The following MFAP5 variants were observed in gnomAD, a reference collection of about 807,000 sequenced individuals.
MFAP5 encodes the protein microfibrillar-associated protein 5.
MFAP5 carries 19 observed loss-of-function variants against 30.1 expected under a neutral mutation model. The observed-to-expected ratio is 0.63, with a 90% CI of 0.44 to 0.93. The LOEUF (loss-of-function observed/expected upper bound fraction) is 0.93. Ranked by LOEUF, MFAP5 falls within the 40% of genes least tolerant of loss-of-function variation. The probability of loss-of-function intolerance (pLI) is 0.00; values close to 1 mark genes in which losing one functional copy is unlikely to be tolerated. For missense variants in MFAP5, 210 were observed against 221.3 expected (o/e 0.95, Z 0.32); for synonymous variants, 92 against 72.9 (o/e 1.26, Z -1.33).
chr12:8,649,388 G>C (rs750547897), intron 9 of MFAP5, 113 bp downstream of exon 9: 20 of 867,026 alleles, frequency 2.3e-5, no homozygotes, highest in South Asian at 7.2e-5. Context: ...GGACTCTAAG[G>C]GGGTAGCCTG....
At chr12:8,661,221 A>G (rs1942141546) in intron 2 of MFAP5, among the ~76,000 whole-genome samples, 1 of 152,184 alleles carries the variant, frequency 6.6e-6, no homozygotes, top group Admixed American at 6.5e-5. Context: ...CTCCACTGAG[A>G]GGCCTGGCAG....
rs1384425956 is a variant in MFAP5 at position 8,662,703 on chromosome 12, T to G, written c.-79A>C. ...CTCTCTCCTCTTACGCTGTTCCTACTTTGGCTGGCGAATAAGATGAACAGA... is the reference window on the plus strand; with the variant it reads ...CTCTCTCCTCTTACGCTGTTCCTACGTTGGCTGGCGAATAAGATGAACAGA... On this transcript the variant is annotated 5_prime_UTR_variant, in exon 1 of 10. Coordinates refer to ENST00000359478, the MANE Select transcript of MFAP5 (RefSeq NM_003480.4). The G allele has an allele frequency of 6.6e-6, 1 of 152,558 alleles. No individual in the cohort carries two copies. Among genetic ancestry groups the G allele is most frequent in the African/African-American group, 2.4e-5 (1 of 41,410 alleles). The allele number at this position is 152,558 out of a possible 1,614,324, so 9.5% of individuals were successfully genotyped here.
At chr12:8,656,414 TGA>T (rs199903194) in intron 3 of MFAP5, among the ~76,000 whole-genome samples, 3 of 142,226 alleles carry the variant, frequency 2.1e-5, no homozygotes, top group Non-Finnish European at 4.6e-5. Context: ...AAGGTAGTAT[TGA>T]TTTTTTTTTT....
rs1187433526 is a variant in MFAP5, at chr12:8,660,835, C to A, written c.94+28G>T. 5 of 1,599,746 alleles carry A rather than the reference C, an allele frequency of 3.1e-6. No individual in the cohort carries two copies. In the East Asian group the frequency reaches 9.0e-5, roughly 29 times the overall value. On this transcript the variant is annotated intron_variant, in intron 3 of 9. Coordinates refer to ENST00000359478, the MANE Select transcript of MFAP5 (RefSeq NM_003480.4). ...TAAATTTTCCTGATAAGAACCCCAA[C>A]AGAGCCGCTATCCAAGGGTTCACCT...
chr12:8,655,576 A>G, intron 4 of MFAP5, 129 bp from the exon 5 acceptor site: 1 of 1,037,024 alleles, frequency 9.6e-7, no homozygotes, highest in Non-Finnish European at 1.4e-6. Context: ...ACTCGGGCAG[A>G]TGAGGGACTA....
At position 8,650,536 on chromosome 12, in the gene MFAP5, C is replaced by G. The variant is rs1457814546; in HGVS notation, c.301G>C (p.Val101Leu). The G allele has an allele frequency of 1.2e-6, 2 of 1,614,120 alleles. No individual in the cohort carries two copies. The highest frequency in any genetic ancestry group is 1.1e-5 in the South Asian group (1 of 91,088). The change falls in exon 8 of 10, where the codon GTT (valine) becomes CTT (leucine). Residue 101 changes from valine to leucine, a missense_variant. Transcript: ENST00000359478. ...CTRLYSVHRP[V>L]KQCIHQLCFT... ...CATAACTGATGAATGCATTGTTTAACCGGCCGATGCACAGAGTAGAGCCTT... is the reference window on the plus strand; with the variant it reads ...CATAACTGATGAATGCATTGTTTAAGCGGCCGATGCACAGAGTAGAGCCTT...
chr12:8,654,257 TC>T, intron 6 of MFAP5, 179 bp downstream of exon 6: 1 of 568,982 alleles, frequency 1.8e-6, no homozygotes, highest in Non-Finnish European at 3.1e-6. Context: ...TTAGCACAGT[TC>T]CTGTTTGTCA....
intron 3 of MFAP5, among the ~76,000 whole-genome samples, chr12:8,656,662 A>ATT (rs1393723334): frequency 7.4e-6 from 1 of 134,770 alleles, no homozygotes; most frequent in African/African-American, 3.0e-5. Context: ...ATATATATAT[A>ATT]TATATATTTT....
intron 1 of MFAP5, 187 bp downstream of exon 1, chr12:8,662,440 G>T (rs775939815): frequency 7.8e-6 from 2 of 255,078 alleles, no homozygotes; most frequent in Non-Finnish European, 1.5e-5. Context: ...TCTCATATGC[G>T]TGACTTTTTC....
In MFAP5 at chr12:8,647,220, T is replaced by C; in HGVS notation, c.*871A>G. The C allele has an allele frequency of 6.6e-6, 1 of 152,234 alleles. No homozygotes were observed. Among genetic ancestry groups the C allele is most frequent in the Middle Eastern group, 3.2e-3 (1 of 316 alleles). 9.4% of individuals were successfully genotyped at this position (152,234 alleles called of 1,614,324 possible). The stretch of plus-strand genomic sequence containing the variant: ...CCGTGCACTTGTTAAGTTGTGAAGA[T>C]GAACGAAGTAGCAACTCAAGGAAAC... On this transcript the variant is annotated 3_prime_UTR_variant, in exon 10 of 10. Transcript: ENST00000359478.
At chr12:8,655,690 C>A in intron 4 of MFAP5, 96 bp downstream of exon 4, 1 of 1,431,898 alleles carries the variant, frequency 7.0e-7, no homozygotes, top group Non-Finnish European at 9.6e-7. Context: ...CACCCTCCAA[C>A]CCTTCTGAAG....
intron 8 of MFAP5, among the ~76,000 whole-genome samples, chr12:8,649,840 G>C (rs1475139824): frequency 1.3e-5 from 2 of 152,112 alleles, no homozygotes; most frequent in Non-Finnish European, 2.9e-5. Flanking sequence ...ACATGGATAA[G>C]TTCTTTAGTG....
At chr12:8,649,876 C>T (rs972975950) in intron 8 of MFAP5, among the ~76,000 whole-genome samples, 4 of 152,066 alleles carry the variant, frequency 2.6e-5, no homozygotes, top group South Asian at 2.1e-4. Context: ...TGGGTGCACC[C>T]GTCACCCAAG....
rs971135048 is a variant in MFAP5 at position 8,647,205 on chromosome 12, G to C, written c.*886C>G. ...TGCACAATAATTCGACCGTGCACTTGTTAAGTTGTGAAGATGAACGAAGTA... is the reference window on the plus strand; with the variant it reads ...TGCACAATAATTCGACCGTGCACTTCTTAAGTTGTGAAGATGAACGAAGTA... On this transcript the variant is annotated 3_prime_UTR_variant, in exon 10 of 10. Coordinates refer to ENST00000359478, the MANE Select transcript of MFAP5 (RefSeq NM_003480.4). The C allele has an allele frequency of 6.6e-6, 1 of 152,280 alleles. No homozygotes were observed. Among genetic ancestry groups the C allele is most frequent in the East Asian group, 1.9e-4 (1 of 5,190 alleles). 9.4% of individuals were successfully genotyped at this position (152,280 alleles called of 1,614,324 possible).
chr12:8,652,442 C>A (rs1236972225), intron 6 of MFAP5, among the ~76,000 whole-genome samples: 1 of 107,412 alleles, frequency 9.3e-6, no homozygotes, highest in Non-Finnish European at 1.9e-5. Flanking sequence ...GAGACTCCAT[C>A]TCAAAATAAA....
chr12:8,648,601 G>A (rs748303783), intron 9 of MFAP5: 33 of 1,151,326 alleles, frequency 2.9e-5, no homozygotes, highest in South Asian at 1.2e-4. Context: ...ATACATTTAC[G>A]TGCTTACTAT....
intron 6 of MFAP5, 52 bp downstream of exon 6, chr12:8,654,385 G>C: frequency 6.6e-7 from 1 of 1,525,052 alleles, no homozygotes; most frequent in Non-Finnish European, 9.0e-7. Context: ...ATGGGCTCTG[G>C]GGAAAGCCTA....
In MFAP5 at chr12:8,660,890, G is replaced by C; in HGVS notation, c.67C>G (p.Pro23Ala). 6.2e-7 allele frequency: 1 copy of C among 1,612,488 alleles called. No individual in the cohort carries two copies. The highest frequency in any genetic ancestry group is 8.5e-7 in the Non-Finnish European group (1 of 1,178,750). Residue 23 changes from proline (P) to alanine (A), a missense_variant, in exon 3 of 10, where the codon CCC becomes GCC. By Grantham distance (27) the Pro-to-Ala change is conservative. Transcript: ENST00000359478. Reference sequence around the variant, plus strand: ...CCTCGTTGACTATTGACCCCCAGGGGTATCCAGTCTATAGCAAAGGAAGAG... The same window carrying C: ...CCTCGTTGACTATTGACCCCCAGGGCTATCCAGTCTATAGCAAAGGAAGAG... ...AAFIITSDWI[P>A]LGVNSQRGDD... is the part of the protein sequence containing the mutation.
rs758845705 is a variant in MFAP5 at position 8,647,309 on chromosome 12, C to T, written c.*782G>A. The T allele has an allele frequency of 6.6e-5, 10 of 152,264 alleles. No homozygotes were observed. The highest frequency in any genetic ancestry group is 2.1e-4 in the South Asian group (1 of 4,830). 9.4% of individuals were successfully genotyped at this position (152,264 alleles called of 1,614,324 possible). ...TTGCTTTGTGGTGGTGGGTTCATCC[C>T]GGTACTACCCATAAACGAATCAGTA... is the stretch of plus-strand genomic sequence containing the variant. On this transcript the variant is annotated 3_prime_UTR_variant, in exon 10 of 10. Transcript: ENST00000359478.
Sources: gnomAD v4.1 joint callset for allele counts (sites outside exome capture counted in the v4.1 genomes callset) on GRCh38, gnomAD v4.1.1 for gene constraint, MANE v1.5 for transcripts, NCBI Gene and HGNC (gene_info 2026-07-23, HGNC 2026-07-21) for gene names.